Variants in GPC5 observed in about 807,000 individuals in gnomAD.
GPC5 encodes the protein glypican-5.
GPC5 carries 47 observed loss-of-function variants against 53.9 expected under a neutral mutation model. The observed-to-expected ratio is 0.87, with a 90% CI of 0.69 to 1.11. The LOEUF is 1.11. Ranked by LOEUF, GPC5 falls within the 50% of genes most tolerant of loss-of-function variation. The probability of loss-of-function intolerance (pLI) is 0.00; values close to 1 mark genes in which losing one functional copy is unlikely to be tolerated. For synonymous variants in GPC5, 286 were observed against 263.3 expected (o/e 1.09, Z -0.84); for missense variants, 748 against 713.1 (o/e 1.05, Z -0.56).
intron 6 of GPC5, among the ~76,000 whole-genome samples, chr13:91,991,371 T>G (rs2040454995): frequency 6.6e-6 from 1 of 152,222 alleles, no homozygotes; most frequent in African/African-American, 2.4e-5. Flanking sequence ...CTTTGTATAT[T>G]TCATAATGCT....
chr13:92,079,286 A>G (rs139653794), intron 6 of GPC5, among the ~76,000 whole-genome samples: 5,628 of 152,074 alleles, frequency 0.037, 146 homozygotes, highest in Middle Eastern at 0.054. Context: ...TCCTGACCTC[A>G]TGATCCGCCC....
intron 2 of GPC5, among the ~76,000 whole-genome samples, chr13:91,658,275 T>G (rs2034896168): frequency 1.3e-5 from 2 of 152,190 alleles, no homozygotes; most frequent in South Asian, 4.1e-4. Context: ...GTAATACTGA[T>G]AAAATTCAAT....
At chr13:92,295,014 G>C (rs2043024909) in intron 7 of GPC5, among the ~76,000 whole-genome samples, 1 of 151,780 alleles carries the variant, frequency 6.6e-6, no homozygotes, top group Non-Finnish European at 1.5e-5. Context: ...ATTTTTAGTA[G>C]AGATGAGGTT....
intron 6 of GPC5, among the ~76,000 whole-genome samples, chr13:91,923,340 A>G (rs979140929): frequency 2.0e-5 from 3 of 152,198 alleles, no homozygotes; most frequent in East Asian, 1.9e-4. Flanking sequence ...ATTCCTGGAT[A>G]TATTTCTTGC....
intron 5 of GPC5, among the ~76,000 whole-genome samples, chr13:91,820,716 C>T (rs1394086625): frequency 6.6e-6 from 1 of 152,176 alleles, no homozygotes; most frequent in Non-Finnish European, 1.5e-5. Flanking sequence ...GTAATCCCAG[C>T]ACTTTGGGAG....
At chr13:92,323,756 G>T (rs2043231489) in intron 7 of GPC5, among the ~76,000 whole-genome samples, 1 of 151,648 alleles carries the variant, frequency 6.6e-6, no homozygotes, top group Non-Finnish European at 1.5e-5. Context: ...ATCAATAAAT[G>T]AGTCATTTGT....
chr13:91,533,518 G>T (rs1457876095), intron 2 of GPC5, among the ~76,000 whole-genome samples: 2 of 152,144 alleles, frequency 1.3e-5, no homozygotes, highest in African/African-American at 2.4e-5. Context: ...CTCAGCCTTT[G>T]GCCTTGTGGA....
chr13:91,722,382 G>A (rs1175216333), intron 3 of GPC5, among the ~76,000 whole-genome samples: 1 of 152,132 alleles, frequency 6.6e-6, no homozygotes, highest in Admixed American at 6.6e-5. Context: ...CTTGTCACTT[G>A]GGCTTACAAG....
chr13:91,977,040 A>G (rs1399560247), intron 6 of GPC5, among the ~76,000 whole-genome samples: 1 of 16,678 alleles, frequency 6.0e-5, no homozygotes, highest in Non-Finnish European at 1.1e-4. Flanking sequence ...TTCTGTCTCA[A>G]TAAATAAATA....
At chr13:92,773,168 A>T (rs1486430326) in intron 7 of GPC5, among the ~76,000 whole-genome samples, 1 of 152,146 alleles carries the variant, frequency 6.6e-6, no homozygotes, top group African/African-American at 2.4e-5. Flanking sequence ...AGTATAATAT[A>T]TTGCTTCTGA....
At chr13:91,711,562 C>A (rs2036227304) in intron 3 of GPC5, among the ~76,000 whole-genome samples, 1 of 152,074 alleles carries the variant, frequency 6.6e-6, no homozygotes, top group Non-Finnish European at 1.5e-5. Flanking sequence ...ATGTATCAAA[C>A]CTGCACGTTG....
chr13:92,040,437 A>C (rs2040933187), intron 6 of GPC5, among the ~76,000 whole-genome samples: 1 of 152,250 alleles, frequency 6.6e-6, no homozygotes, highest in African/African-American at 2.4e-5. Flanking sequence ...TGGCCACCAG[A>C]AAAGCAGTAA....
intron 7 of GPC5, among the ~76,000 whole-genome samples, chr13:92,330,923 A>G (rs1024512818): frequency 6.6e-5 from 10 of 151,856 alleles, no homozygotes; most frequent in African/African-American, 2.4e-4. Flanking sequence ...CATCCTTTTT[A>G]TTTTTCAAAC....
intron 2 of GPC5, among the ~76,000 whole-genome samples, chr13:91,632,793 GAC>G (rs1482062116): frequency 6.6e-6 from 1 of 152,168 alleles, no homozygotes; most frequent in African/African-American, 2.4e-5. Flanking sequence ...TGAGGATCCT[GAC>G]ACAGGGCTAT....
chr13:91,686,000 T>C (rs1449909554), intron 2 of GPC5, among the ~76,000 whole-genome samples: 1 of 151,840 alleles, frequency 6.6e-6, no homozygotes, highest in African/African-American at 2.4e-5. Flanking sequence ...TTGTTCTGTA[T>C]AAAAACATAA....
chr13:91,561,248 A>G (rs1233947381), intron 2 of GPC5, among the ~76,000 whole-genome samples: 1 of 152,112 alleles, frequency 6.6e-6, no homozygotes, highest in South Asian at 2.1e-4. Flanking sequence ...TAATTGTAAA[A>G]TAACCACACC....
At chr13:91,685,354 G>T (rs1453695200) in intron 2 of GPC5, among the ~76,000 whole-genome samples, 2 of 152,116 alleles carry the variant, frequency 1.3e-5, no homozygotes, top group Non-Finnish European at 2.9e-5. Context: ...GCCCAAACCA[G>T]TTTGTCCAAA....
intron 7 of GPC5, among the ~76,000 whole-genome samples, chr13:92,758,658 A>G (rs1185465949): frequency 6.6e-6 from 1 of 152,150 alleles, no homozygotes; most frequent in Non-Finnish European, 1.5e-5. Flanking sequence ...TTTATTTTCA[A>G]GATTATACTC....
chr13:92,404,482 CTG>C (rs1477346307), intron 7 of GPC5, among the ~76,000 whole-genome samples: 1 of 152,160 alleles, frequency 6.6e-6, no homozygotes, highest in Non-Finnish European at 1.5e-5. Flanking sequence ...TAATTGAACT[CTG>C]TATCCAGCAG....
Sources: gnomAD v4.1 joint callset for allele counts (sites outside exome capture counted in the v4.1 genomes callset) on GRCh38, gnomAD v4.1.1 for gene constraint, MANE v1.5 for transcripts, NCBI Gene and HGNC (gene_info 2026-07-23, HGNC 2026-07-21) for gene names.